PDZRN4: variants seen among roughly 807,000 people sequenced by gnomAD.
PDZRN4 encodes the protein PDZ domain containing ring finger 4.
PDZRN4 carries 70 observed loss-of-function variants against 99.0 expected under a neutral mutation model. The observed-to-expected ratio is 0.71, with a 90% CI of 0.58 to 0.86. The LOEUF (loss-of-function observed/expected upper bound fraction) is 0.86. Ranked by LOEUF, PDZRN4 falls within the 40% of genes least tolerant of loss-of-function variation. PDZRN4 has a pLI of 0.00. For synonymous variants in PDZRN4, 551 were observed against 501.6 expected (o/e 1.10, Z -1.32); for missense variants, 1,474 against 1,331.2 (o/e 1.11, Z -1.67).
In PDZRN4 at chr12:41,440,361, A is replaced by G. The variant is rs916888740; in HGVS notation, c.844-66095A>G. On this transcript the variant is annotated intron_variant, in intron 3 of 9. Transcript: ENST00000402685. ...CATATGATCAACAGGAAAAATGTTT[A>G]ATTCTTTATAATAGAATCATTATGA... Among the ~76,000 whole-genome samples the G allele has an allele frequency of 2.6e-5, 4 of 152,142 alleles. No homozygotes were observed. In the East Asian group the frequency reaches 5.8e-4, roughly 22 times the overall value.
At chr12:41,345,132 A>G (rs1951844172) in intron 3 of PDZRN4, among the ~76,000 whole-genome samples, 1 of 152,186 alleles carries the variant, frequency 6.6e-6, no homozygotes, top group Non-Finnish European at 1.5e-5. Flanking sequence ...TGGGAGTTGC[A>G]TTAAAATAAA....
intron 3 of PDZRN4, among the ~76,000 whole-genome samples, chr12:41,320,775 A>C (rs1170633428): frequency 6.6e-6 from 1 of 152,236 alleles, no homozygotes; most frequent in African/African-American, 2.4e-5. Context: ...TTTGAATGAC[A>C]ATCTGTGAAT....
At chr12:41,556,785 G>A (rs1018909815) in intron 7 of PDZRN4, among the ~76,000 whole-genome samples, 2 of 152,178 alleles carry the variant, frequency 1.3e-5, no homozygotes, top group African/African-American at 4.8e-5. Context: ...AGGAATAGCT[G>A]AAAGCCAGTT....
chr12:41,230,927 A>G (rs1044109893), intron 3 of PDZRN4, among the ~76,000 whole-genome samples: 1 of 152,122 alleles, frequency 6.6e-6, no homozygotes, highest in South Asian at 2.1e-4. Flanking sequence ...TTCAAAAATA[A>G]CAATATACTC....
intron 3 of PDZRN4, chr12:41,437,624 T>G: frequency 2.0e-6 from 1 of 496,758 alleles, no homozygotes; most frequent in Non-Finnish European, 3.1e-6. Context: ...AAATAATCAA[T>G]GAGGCACTAT....
In PDZRN4 at chr12:41,438,108, C is replaced by T. The variant is rs1436964916; in HGVS notation, c.844-68348C>T. On this transcript the variant is annotated intron_variant, in intron 3 of 9. Transcript: ENST00000402685. ...TTCTGGCTAGCTTTATTTTTTCTTTCAGTACATTTCAGAATTGAGGGCAGA... is the reference window on the plus strand; with the variant it reads ...TTCTGGCTAGCTTTATTTTTTCTTTTAGTACATTTCAGAATTGAGGGCAGA... 6 of 1,456,696 alleles carry T rather than the reference C, an allele frequency of 4.1e-6. No individual in the cohort carries two copies. The African/African-American group carries it at 7.0e-5, about 17-fold the overall frequency. The allele number at this position is 1,456,696 out of a possible 1,614,324, so 90.2% of individuals were successfully genotyped here. A position where few individuals can be genotyped will look rare whatever the true frequency, so the allele number is the denominator to read the frequency against.
intron 3 of PDZRN4, among the ~76,000 whole-genome samples, chr12:41,203,202 G>A (rs926513535): frequency 1.3e-5 from 2 of 151,958 alleles, no homozygotes; most frequent in Non-Finnish European, 2.9e-5. Context: ...TGGGAAGATA[G>A]TTGTATATTA....
intron 3 of PDZRN4, among the ~76,000 whole-genome samples, chr12:41,311,693 T>C (rs1302736814): frequency 6.6e-6 from 1 of 152,216 alleles, no homozygotes; most frequent in Non-Finnish European, 1.5e-5. Context: ...TAAAAATATG[T>C]ATGAATCATT....
intron 3 of PDZRN4, among the ~76,000 whole-genome samples, chr12:41,440,416 A>T (rs905474934): frequency 6.6e-6 from 1 of 152,094 alleles, no homozygotes; most frequent in Non-Finnish European, 1.5e-5. Context: ...TTCTTTCTAG[A>T]TTTAGTGACC....
chr12:41,541,066 A>C (rs1188454739), intron 5 of PDZRN4, among the ~76,000 whole-genome samples: 1 of 151,942 alleles, frequency 6.6e-6, no homozygotes, highest in African/African-American at 2.4e-5. Context: ...CTGGGACTAC[A>C]GGCACCCACC....
chr12:41,222,726 T>C (rs1336957400), intron 3 of PDZRN4, among the ~76,000 whole-genome samples: 1 of 152,064 alleles, frequency 6.6e-6, no homozygotes, highest in African/African-American at 2.4e-5. Context: ...GGATTCATCA[T>C]ATTGGCCAGG....
intron 3 of PDZRN4, among the ~76,000 whole-genome samples, chr12:41,236,466 A>T (rs1951067605): frequency 6.6e-6 from 1 of 152,078 alleles, no homozygotes; most frequent in Non-Finnish European, 1.5e-5. Context: ...CTTGGGTGTC[A>T]TGTTGGTGCC....
chr12:41,501,645 G>A (rs373506797), intron 3 of PDZRN4, among the ~76,000 whole-genome samples: 3 of 152,160 alleles, frequency 2.0e-5, no homozygotes, highest in African/African-American at 7.2e-5. Flanking sequence ...ACTGAAAAGT[G>A]ATTGCTTTTT....
intron 3 of PDZRN4, among the ~76,000 whole-genome samples, chr12:41,436,682 A>G (rs1456453778): frequency 2.6e-5 from 4 of 152,188 alleles, no homozygotes; most frequent in Admixed American, 2.6e-4. Flanking sequence ...AGCTGTTTGT[A>G]GTATATCTTT....
intron 3 of PDZRN4, among the ~76,000 whole-genome samples, chr12:41,210,276 A>C (rs1457501411): frequency 6.6e-6 from 1 of 151,660 alleles, no homozygotes; most frequent in Non-Finnish European, 1.5e-5. Context: ...GGTTGCAAAA[A>C]TTTTCTCCCA....
intron 5 of PDZRN4, among the ~76,000 whole-genome samples, chr12:41,520,155 A>AC (rs1938469763): frequency 6.6e-6 from 1 of 152,172 alleles, no homozygotes; most frequent in Admixed American, 6.5e-5. Flanking sequence ...AAAGCAAAAA[A>AC]GTTTTTTTAA....
chr12:41,405,335 CAT>C (rs1298638090), intron 3 of PDZRN4, among the ~76,000 whole-genome samples: 10 of 152,214 alleles, frequency 6.6e-5, no homozygotes, highest in East Asian at 1.9e-4. Context: ...AGCCAACAAA[CAT>C]ATGAAAAAAT....
intron 4 of PDZRN4, among the ~76,000 whole-genome samples, chr12:41,507,214 A>G (rs1354539471): frequency 1.3e-5 from 2 of 152,156 alleles, no homozygotes; most frequent in African/African-American, 2.4e-5. Context: ...CACTTACCCA[A>G]TATATTGAGA....
At chr12:41,473,197 C>A (rs1171153716) in intron 3 of PDZRN4, among the ~76,000 whole-genome samples, 1 of 151,830 alleles carries the variant, frequency 6.6e-6, no homozygotes, top group Non-Finnish European at 1.5e-5. Flanking sequence ...CACAAATTGG[C>A]AATACCATAT....
Sources: gnomAD v4.1 joint callset for allele counts (sites outside exome capture counted in the v4.1 genomes callset) on GRCh38, gnomAD v4.1.1 for gene constraint, MANE v1.5 for transcripts, NCBI Gene and HGNC (gene_info 2026-07-23, HGNC 2026-07-21) for gene names.